Variants in CASR observed in about 807,000 individuals in gnomAD.
CASR encodes the protein calcium sensing receptor, also known as extracellular calcium-sensing receptor.
CASR carries 23 observed loss-of-function variants against 69.1 expected under a neutral mutation model. That is an observed-to-expected ratio of 0.33 (90% confidence interval 0.24 to 0.47). CASR has a LOEUF of 0.47. Among genes scored for constraint, CASR ranks in the 20% least tolerant of loss-of-function variants. The probability of loss-of-function intolerance (pLI) is 1.00; values close to 1 mark genes in which losing one functional copy is unlikely to be tolerated. For synonymous variants in CASR, 541 were observed against 544.7 expected (o/e 0.99, Z 0.10); for missense variants, 924 against 1,356.1 (o/e 0.68, Z 5.00).
At chr3:122,282,714 C>A (rs2074907285) in intron 6 of CASR, among the ~76,000 whole-genome samples, 2 of 152,186 alleles carry the variant, frequency 1.3e-5, no homozygotes. Flanking sequence ...TGGTAATGCA[C>A]ATGGTAAGTT....
intron 1 of CASR, among the ~76,000 whole-genome samples, chr3:122,226,224 G>A (rs957676357): frequency 7.2e-5 from 11 of 152,222 alleles, no homozygotes; most frequent in East Asian, 1.9e-4. Context: ...GGATGTGTTC[G>A]GAGTTTCTTC....
rs2074621110 is a variant in CASR at position 122,261,523 on chromosome 3, T to C, written c.493-5T>C. Reference sequence around the variant, plus strand: ...CTCATTCACCATGTTCTTGGTTCTCTCCAGGTCAGTTATGCCTCCTCCAGC... The same window carrying C: ...CTCATTCACCATGTTCTTGGTTCTCCCCAGGTCAGTTATGCCTCCTCCAGC... On this transcript the variant is annotated splice_polypyrimidine_tract_variant and splice_region_variant and intron_variant, in intron 3 of 6. Coordinates refer to ENST00000639785, the MANE Select transcript of CASR (RefSeq NM_000388.4). 2 of 1,613,990 alleles carry C rather than the reference T, an allele frequency of 1.2e-6. No individual in the cohort carries two copies. Among genetic ancestry groups the C allele is most frequent in the South Asian group, 2.2e-5 (2 of 91,030 alleles).
In CASR at chr3:122,285,618, G is replaced by A. The variant is rs201082201; in HGVS notation, c.*427G>A. 79 of 199,672 alleles carry A rather than the reference G, an allele frequency of 4.0e-4. No individual in the cohort carries two copies. Among genetic ancestry groups the A allele is most frequent in the African/African-American group, 1.8e-3 (77 of 43,100 alleles). The allele number at this position is 199,672 out of a possible 1,614,324, so 12.4% of individuals were successfully genotyped here. ...TGTCACCAGTCCTGCCCAATGCCTT[G>A]ACAACAGACTGAATTTTAAATGTTC... On this transcript the variant is annotated 3_prime_UTR_variant, in exon 7 of 7. Coordinates refer to ENST00000639785, the MANE Select transcript of CASR (RefSeq NM_000388.4).
At chr3:122,213,577 A>C (rs959148523) in intron 1 of CASR, among the ~76,000 whole-genome samples, 3 of 152,134 alleles carry the variant, frequency 2.0e-5, no homozygotes, top group Non-Finnish European at 4.4e-5. Context: ...ACCATACCCC[A>C]TATGAATTCT....
At chr3:122,267,981 G>A (rs544532084) in intron 4 of CASR, among the ~76,000 whole-genome samples, 4 of 152,268 alleles carry the variant, frequency 2.6e-5, no homozygotes, top group Middle Eastern at 3.4e-3. Flanking sequence ...TGTAACTAGA[G>A]ATAGGCAACT....
At chr3:122,280,112 C>T (rs192859946) in intron 5 of CASR, among the ~76,000 whole-genome samples, 66 of 152,260 alleles carry the variant, frequency 4.3e-4, no homozygotes, top group Non-Finnish European at 2.8e-4. Flanking sequence ...ACAAAAACCA[C>T]ATGACTATCT....
intron 1 of CASR, among the ~76,000 whole-genome samples, chr3:122,248,455 T>C (rs184200475): frequency 7.2e-5 from 11 of 152,338 alleles, no homozygotes; most frequent in African/African-American, 2.2e-4. Flanking sequence ...CTTCAGACCC[T>C]ACTGTTAGTA....
At chr3:122,220,133 ATT>A (rs2074156174) in intron 1 of CASR, among the ~76,000 whole-genome samples, 1 of 152,188 alleles carries the variant, frequency 6.6e-6, no homozygotes, top group African/African-American at 2.4e-5. Flanking sequence ...AAGCATCTCC[ATT>A]TTTTAAAAAG....
intron 1 of CASR, among the ~76,000 whole-genome samples, chr3:122,191,280 A>G (rs7625331): frequency 0.17 from 26,166 of 152,100 alleles, 2,336 homozygotes; most frequent in African/African-American, 0.2. Context: ...CATTACATAA[A>G]CATTTAAAAT....
intron 1 of CASR, among the ~76,000 whole-genome samples, chr3:122,231,039 T>A (rs1229804475): frequency 6.6e-6 from 1 of 152,164 alleles, no homozygotes; most frequent in African/African-American, 2.4e-5. Flanking sequence ...CACTCAGAAT[T>A]TTTGCAGCTT....
At chr3:122,205,248 G>A (rs976111244) in intron 1 of CASR, among the ~76,000 whole-genome samples, 3 of 151,972 alleles carry the variant, frequency 2.0e-5, no homozygotes, top group Admixed American at 6.6e-5. Context: ...CTTGATTTTG[G>A]TGTATGGTGA....
chr3:122,223,854 G>A (rs1458950191), intron 1 of CASR, among the ~76,000 whole-genome samples: 1 of 78,934 alleles, frequency 1.3e-5, no homozygotes, highest in Admixed American at 1.8e-4. Context: ...AATCAAATAG[G>A]CTTTATTCCT....
intron 1 of CASR, among the ~76,000 whole-genome samples, chr3:122,227,859 G>A (rs1459307634): frequency 6.6e-6 from 1 of 152,204 alleles, no homozygotes; most frequent in African/African-American, 2.4e-5. Context: ...AAACCTGTAT[G>A]TGTACTCCCT....
Position 122,289,443 on chromosome 3 carries a change from AG to A in CASR, c.*4256del, listed in dbSNP as rs1225003743. 2 of 152,396 alleles carry A rather than the reference AG, an allele frequency of 1.3e-5. No homozygotes were observed. Among genetic ancestry groups the A allele is most frequent in the East Asian group, 1.9e-4 (1 of 5,186 alleles). The allele number at this position is 152,396 out of a possible 1,614,324, so 9.4% of individuals were successfully genotyped here. ...TTTGCTATTATGCAAGGAGTGAGGC[AG>A]GGGTCAGGGAAACAACAAGCACAGG... On this transcript the variant is annotated 3_prime_UTR_variant, in exon 7 of 7. Transcript: ENST00000639785.
At chr3:122,214,619 A>G (rs941328464) in intron 1 of CASR, among the ~76,000 whole-genome samples, 9 of 152,208 alleles carry the variant, frequency 5.9e-5, no homozygotes, top group Non-Finnish European at 1.2e-4. Flanking sequence ...AAGATGTACT[A>G]CTATTCAGGT....
At chr3:122,257,823 A>G (rs928299582) in intron 3 of CASR, among the ~76,000 whole-genome samples, 2 of 152,246 alleles carry the variant, frequency 1.3e-5, no homozygotes, top group African/African-American at 4.8e-5. Flanking sequence ...ACTTTAGCTC[A>G]GAGGGAAGCA....
intron 1 of CASR, among the ~76,000 whole-genome samples, chr3:122,226,046 G>A (rs556741138): frequency 6.6e-6 from 1 of 152,262 alleles, no homozygotes; most frequent in African/African-American, 2.4e-5. Flanking sequence ...GCACAAAGAT[G>A]GGAACAAAAG....
chr3:122,194,891 A>T (rs1315396584), intron 1 of CASR, among the ~76,000 whole-genome samples: 1 of 151,976 alleles, frequency 6.6e-6, no homozygotes, highest in East Asian at 1.9e-4. Context: ...TGGGAGCAGC[A>T]TGGCCAACAC....
chr3:122,190,684 A>G lies in CASR; in HGVS notation c.-243+6872A>G, dbSNP rs2107579676. Among the ~76,000 whole-genome samples the G allele has an allele frequency of 2.0e-5, 3 of 152,356 alleles. No homozygotes were observed. In the Middle Eastern group the frequency reaches 0.01, roughly 518 times the overall value. The stretch of plus-strand genomic sequence containing the variant: ...ATCATAGTGCCTGGTACACTGGAGG[A>G]GCTGAATGAATCAATGAATGAATGA... On this transcript the variant is annotated intron_variant, in intron 1 of 6. Coordinates refer to ENST00000639785, the MANE Select transcript of CASR (RefSeq NM_000388.4).
Sources: allele counts gnomAD v4.1 joint callset (sites outside exome capture counted in the v4.1 genomes callset), GRCh38; gene constraint gnomAD v4.1.1; transcripts MANE v1.5; gene names NCBI Gene and HGNC (gene_info 2026-07-23, HGNC 2026-07-21).